The following HSPA14 variants were observed in gnomAD, a reference collection of about 807,000 sequenced individuals.
HSPA14 encodes heat shock 70 kDa protein 14.
In HSPA14, 37 loss-of-function variants were observed where a neutral mutation model predicts 65.5. The observed-to-expected ratio is 0.56, with a 90% CI of 0.43 to 0.74. The LOEUF is 0.74. HSPA14 is among the 30% of genes least tolerant of loss of function. The pLI is 0.00. For synonymous variants in HSPA14, 203 were observed against 214.2 expected (o/e 0.95, Z 0.46); for missense variants, 564 against 607.6 (o/e 0.93, Z 0.75).
chr10:14,854,111 T>C lies in HSPA14; in HGVS notation c.735-14T>C, dbSNP rs1213847565. ...CAGTAATTTTAAACCCCAAAGGCTA[T>C]GTTTTTAATTTAGATCCTTCAAACA... On this transcript the variant is annotated splice_polypyrimidine_tract_variant and intron_variant, in intron 8 of 13. Transcript: ENST00000378372. 3 of 1,582,592 alleles carry C rather than the reference T, an allele frequency of 1.9e-6. No individual in the cohort carries two copies. The highest frequency in any genetic ancestry group is 2.7e-5 in the African/African-American group (2 of 73,440).
chr10:14,844,878 A>T (rs572373403), intron 3 of HSPA14: 59 of 985,088 alleles, frequency 6.0e-5, no homozygotes, highest in Non-Finnish European at 6.9e-5. Context: ...CTTTTCTGTT[A>T]TTTTTTTGTC....
At chr10:14,867,549 A>C (rs536879637) in intron 11 of HSPA14, among the ~76,000 whole-genome samples, 187 bp from the exon 12 acceptor site, 1 of 152,140 alleles carries the variant, frequency 6.6e-6, no homozygotes, top group Non-Finnish European at 1.5e-5. Flanking sequence ...TCATAAGCTA[A>C]TATAGAGAGA....
rs1395858987 is a variant in HSPA14, at chr10:14,849,782, T to C, written c.438T>C (p.Asp146=). Residue 146 remains aspartate, a synonymous_variant, in exon 6 of 14, where the codon GAT becomes GAC. Transcript: ENST00000378372. The part of the protein sequence containing the change: ...ANDVVITVPF[D]FGEKQKNALG... The stretch of plus-strand genomic sequence containing the variant: ...ATGTAGTTATTACTGTCCCGTTTGA[T>C]TTTGGAGAAAAGCAAAAAAATGCTC... 6 of 1,613,314 alleles carry C rather than the reference T, an allele frequency of 3.7e-6. No homozygotes were observed. The highest frequency in any genetic ancestry group is 3.4e-6 in the Non-Finnish European group (4 of 1,179,652).
At position 14,838,459 on chromosome 10, in the gene HSPA14, G is replaced by C. The variant is rs764014256; in HGVS notation, c.57G>C (p.Lys19Asn). 1 of 1,603,740 alleles carries C rather than the reference G, an allele frequency of 6.2e-7. No individual in the cohort carries two copies. Among genetic ancestry groups the C allele is most frequent in the Admixed American group, 1.7e-5 (1 of 59,104 alleles). ...GCTSACVAVY[K>N]DGRAGVVAND... ...CCTCAGCCTGTGTGGCCGTCTATAA[G>C]GTGAGGGGCTGCGGAGCTGGGCTAG... Residue 19 changes from lysine (K) to asparagine (N), a missense_variant and splice_region_variant, in exon 1 of 14, where the codon AAG becomes AAC. Coordinates refer to ENST00000378372, the MANE Select transcript of HSPA14 (RefSeq NM_016299.4).
At chr10:14,852,328 A>G (rs1834114011) in intron 7 of HSPA14, 42 bp from the exon 8 acceptor site, 2 of 1,541,790 alleles carry the variant, frequency 1.3e-6, no homozygotes, top group Non-Finnish European at 1.8e-6. Context: ...ACTTAGTTTT[A>G]AAATGTTATT....
At chr10:14,868,905 G>A (rs1442176625) in intron 12 of HSPA14, among the ~76,000 whole-genome samples, 1 of 152,094 alleles carries the variant, frequency 6.6e-6, no homozygotes, top group East Asian at 1.9e-4. Flanking sequence ...AGAGTGCAGT[G>A]GCACGATCTC....
At chr10:14,850,088 A>G (rs1452462659) in intron 6 of HSPA14, among the ~76,000 whole-genome samples, 1 of 152,182 alleles carries the variant, frequency 6.6e-6, no homozygotes, top group African/African-American at 2.4e-5. Context: ...TGCCTAGCCA[A>G]TATGGCCAAA....
At chr10:14,871,438 T>C in intron 13 of HSPA14, 90 bp from the exon 14 acceptor site, 1 of 731,980 alleles carries the variant, frequency 1.4e-6, no homozygotes, top group East Asian at 2.6e-5. Flanking sequence ...TTAACCCTTG[T>C]TTACTGAAAG....
chr10:14,847,114 T>C (rs1834065216), intron 3 of HSPA14: 1 of 792,408 alleles, frequency 1.3e-6, no homozygotes, highest in Admixed American at 6.2e-5. Context: ...CTCGGAGCTA[T>C]ATGTGCTTTC....
chr10:14,851,361 C>A, intron 7 of HSPA14, 38 bp downstream of exon 7: 1 of 1,122,596 alleles, frequency 8.9e-7, no homozygotes, highest in South Asian at 1.2e-5. Context: ...TTTTTGAGTG[C>A]AGAAAACATT....
intron 5 of HSPA14, 56 bp from the exon 6 acceptor site, chr10:14,849,661 CAGAA>C: frequency 7.9e-7 from 1 of 1,271,744 alleles, no homozygotes; most frequent in Non-Finnish European, 1.1e-6. Flanking sequence ...TAATAAACCT[CAGAA>C]AGTATCACTT....
chr10:14,844,406 A>C (rs988712653), intron 3 of HSPA14: 154 of 994,426 alleles, frequency 1.5e-4, no homozygotes, highest in Non-Finnish European at 1.8e-4. Context: ...CATTGCTTGA[A>C]TCTTTCCTTT....
In HSPA14 at chr10:14,840,089, A is replaced by G; in HGVS notation, c.153A>G (p.Ala51=). ...YSENEEIVGL[A]AKQSRIRNIS... ...TTTTTTTTCAGATTGTTGGATTGGCAGCAAAACAAAGTAGAATAAGAAATA... is the reference window on the plus strand; with the variant it reads ...TTTTTTTTCAGATTGTTGGATTGGCGGCAAAACAAAGTAGAATAAGAAATA... Residue 51 remains alanine (A), a synonymous_variant, in exon 3 of 14, where the codon GCA becomes GCG. Coordinates refer to ENST00000378372, the MANE Select transcript of HSPA14 (RefSeq NM_016299.4). 7.0e-7 allele frequency: 1 copy of G among 1,434,866 alleles called. No individual in the cohort carries two copies. Among genetic ancestry groups the G allele is most frequent in the Non-Finnish European group, 9.3e-7 (1 of 1,075,016 alleles). 88.9% of individuals were successfully genotyped at this position (1,434,866 alleles called of 1,614,324 possible).
intron 3 of HSPA14, chr10:14,846,407 A>G (rs1470274535): frequency 3.0e-6 from 3 of 985,330 alleles, no homozygotes; most frequent in Non-Finnish European, 2.4e-6. Context: ...GTGAAATTCA[A>G]TGGGTAAAGT....
intron 3 of HSPA14, chr10:14,845,597 TA>T (rs943030197): frequency 6.8e-5 from 59 of 863,736 alleles, no homozygotes; most frequent in African/African-American, 2.8e-4. Context: ...CTATTATTAT[TA>T]TTTTTTTTTT....
At chr10:14,863,403 G>C (rs1007096076) in intron 10 of HSPA14, among the ~76,000 whole-genome samples, 1 of 152,148 alleles carries the variant, frequency 6.6e-6, no homozygotes, top group Non-Finnish European at 1.5e-5. Context: ...CTCTGGATGA[G>C]GAGCTGTCAG....
At chr10:14,860,968 G>A (rs1212667389) in intron 10 of HSPA14, among the ~76,000 whole-genome samples, 1 of 152,158 alleles carries the variant, frequency 6.6e-6, no homozygotes, top group Non-Finnish European at 1.5e-5. Flanking sequence ...AGAGAACCAG[G>A]AAGGCAGGCA....
In HSPA14 at chr10:14,842,359, C is replaced by T. The variant is rs544459008; in HGVS notation, c.221+2202C>T. 3.5e-5 allele frequency: 54 copies of T among 1,536,108 alleles called. No homozygotes were observed. The highest frequency in any genetic ancestry group is 5.9e-5 in the Admixed American group (3 of 50,996). ...CACGAACTCTTCTCTCCATACTAGG[C>T]GAGGCAGAGTATATTCAGCGCCTCC... On this transcript the variant is annotated intron_variant, in intron 3 of 13. Coordinates refer to ENST00000378372, the MANE Select transcript of HSPA14 (RefSeq NM_016299.4). This position sits in a 1 kb window ranked among gnomAD's most constrained non-coding sequence, Gnocchi z 5.2.
intron 3 of HSPA14, chr10:14,844,808 A>T (rs1406009876): frequency 3.0e-6 from 3 of 985,314 alleles, no homozygotes; most frequent in Non-Finnish European, 3.6e-6. Flanking sequence ...TGCCATTGGA[A>T]CATTGTGGAA....
Sources: allele counts gnomAD v4.1 joint callset (sites outside exome capture counted in the v4.1 genomes callset), GRCh38; gene constraint gnomAD v4.1.1; non-coding constraint Gnocchi (gnomAD v3.1); transcripts MANE v1.5; gene names NCBI Gene and HGNC (gene_info 2026-07-23, HGNC 2026-07-21).